The following FUT9 variants were observed in gnomAD, a reference collection of about 807,000 sequenced individuals.
FUT9 encodes the protein 4-galactosyl-N-acetylglucosaminide 3-alpha-L-fucosyltransferase 9.
Under a neutral mutation model 29.7 loss-of-function variants are expected in FUT9, and 15 were observed. That is an observed-to-expected ratio of 0.51 (90% CI 0.34 to 0.78). The LOEUF (loss-of-function observed/expected upper bound fraction) is 0.78. FUT9 is among the 30% of genes least tolerant of loss of function. FUT9 has a pLI of 0.01. For missense variants in FUT9, 319 were observed against 425.4 expected, an observed-to-expected ratio of 0.75 and a Z score of 2.20; for synonymous variants, 169 against 153.7, an observed-to-expected ratio of 1.10 and a Z score of -0.74.
At chr6:96,113,453 G>C (rs1771848118) in intron 1 of FUT9, among the ~76,000 whole-genome samples, 1 of 151,702 alleles carries the variant, frequency 6.6e-6, no homozygotes, top group African/African-American at 2.4e-5. Context: ...TGGCCAAGCT[G>C]GTCTTGAACT....
At chr6:96,031,163 C>T (rs1173222212) in intron 1 of FUT9, among the ~76,000 whole-genome samples, 2 of 151,546 alleles carry the variant, frequency 1.3e-5, no homozygotes, top group Non-Finnish European at 1.5e-5. Context: ...ACATGTTAGG[C>T]ACTTTCTAAC....
intron 1 of FUT9, among the ~76,000 whole-genome samples, chr6:96,054,107 T>G (rs943928406): frequency 2.6e-5 from 4 of 152,134 alleles, no homozygotes; most frequent in Non-Finnish European, 5.9e-5. Context: ...TCAAGGTCAG[T>G]TTCATCAAAT....
rs191392203 is a variant in FUT9, at chr6:96,178,333, G to T, written c.-8-24815G>T. The stretch of plus-strand genomic sequence containing the variant: ...CGTATTTCCTCATTTTATGAAAAGG[G>T]GAGACACTGTATTATGGAAGAAGTC... On this transcript the variant is annotated intron_variant, in intron 2 of 2. Transcript: ENST00000302103. Among the ~76,000 whole-genome samples, 346 of 152,198 alleles carry T rather than the reference G, an allele frequency of 2.3e-3. 1 individual carries two copies. Among genetic ancestry groups the T allele is most frequent in the Non-Finnish European group, 2.6e-3 (174 of 68,016 alleles).
At chr6:96,111,895 G>C (rs896982359) in intron 1 of FUT9, among the ~76,000 whole-genome samples, 2 of 152,084 alleles carry the variant, frequency 1.3e-5, no homozygotes, top group African/African-American at 4.8e-5. Context: ...TCTTTTATGT[G>C]CAGAATTATA....
intron 1 of FUT9, among the ~76,000 whole-genome samples, chr6:96,080,622 C>T (rs1582216337): frequency 6.6e-6 from 1 of 151,910 alleles, no homozygotes; most frequent in East Asian, 1.9e-4. Context: ...TTTATTCAAA[C>T]TTTAATATTT....
chr6:96,108,467 GAACATAT>G (rs1406308380), intron 1 of FUT9, among the ~76,000 whole-genome samples: 2 of 152,124 alleles, frequency 1.3e-5, no homozygotes, highest in African/African-American at 4.8e-5. Context: ...GACTGAATGA[GAACATAT>G]ATGTATAGAA....
chr6:96,196,088 G>A (rs1041561673), intron 2 of FUT9, among the ~76,000 whole-genome samples: 2 of 152,114 alleles, frequency 1.3e-5, no homozygotes, highest in Non-Finnish European at 2.9e-5. Flanking sequence ...TTTGGATCCT[G>A]GAATATTAGG....
intron 2 of FUT9, among the ~76,000 whole-genome samples, chr6:96,125,613 C>T (rs955694799): frequency 6.6e-6 from 1 of 152,078 alleles, no homozygotes; most frequent in African/African-American, 2.4e-5. Flanking sequence ...AAGATGAAGT[C>T]GTTGGGTCAA....
At chr6:96,090,934 C>T (rs961655136) in intron 1 of FUT9, among the ~76,000 whole-genome samples, 2 of 151,714 alleles carry the variant, frequency 1.3e-5, no homozygotes, top group Non-Finnish European at 2.9e-5. Context: ...ATTTGAATGC[C>T]GCTAACAAAA....
At position 96,203,476 on chromosome 6, in the gene FUT9, G is replaced by T. The variant is rs139516318; in HGVS notation, c.321G>T (p.Leu107=). The change falls in exon 3 of 3, where the codon CTG becomes CTT. Residue 107 remains leucine (L), a synonymous_variant. Transcript: ENST00000302103. ...RSLYNKSHAV[L]IHHRDISWDL... The stretch of plus-strand genomic sequence containing the variant: ...TGTACAACAAATCCCATGCAGTTCT[G>T]ATCCATCACCGAGACATCAGTTGGG... 1 of 1,609,930 alleles carries T rather than the reference G, an allele frequency of 6.2e-7. No homozygotes were observed. Among genetic ancestry groups the T allele is most frequent in the Non-Finnish European group, 8.5e-7 (1 of 1,177,920 alleles).
chr6:96,129,194 G>A (rs1198486870), intron 2 of FUT9, among the ~76,000 whole-genome samples: 1 of 150,784 alleles, frequency 6.6e-6, no homozygotes, highest in Admixed American at 6.6e-5. Flanking sequence ...GAACCTGGGA[G>A]GCGGAGCTTG....
chr6:96,147,695 C>G (rs542387291), intron 2 of FUT9, among the ~76,000 whole-genome samples: 1 of 151,934 alleles, frequency 6.6e-6, no homozygotes, highest in South Asian at 2.1e-4. Flanking sequence ...TTTCTTAACT[C>G]TTCATCCTTT....
rs775171320 is a variant in FUT9 at position 96,203,596 on chromosome 6, C to T, written c.441C>T (p.Gly147=). ...ESPTHTPQKS[G]IEHLFNLTLT... ...CAACTCACACTCCCCAAAAGAGTGG[C>T]ATTGAGCACTTGTTTAACCTGACTC... The change falls in exon 3 of 3, where the codon GGC becomes GGT. Residue 147 remains glycine (G), a synonymous_variant. Transcript: ENST00000302103. 1 of 1,613,742 alleles carries T rather than the reference C, an allele frequency of 6.2e-7. No individual in the cohort carries two copies. Among genetic ancestry groups the T allele is most frequent in the East Asian group, 2.2e-5 (1 of 44,858 alleles).
At chr6:96,180,031 T>A (rs1000099140) in intron 2 of FUT9, among the ~76,000 whole-genome samples, 7 of 152,128 alleles carry the variant, frequency 4.6e-5, no homozygotes, top group African/African-American at 1.7e-4. Flanking sequence ...GATGGTTAAG[T>A]AACTAGGTTA....
At chr6:96,060,232 C>T (rs1355564708) in intron 1 of FUT9, among the ~76,000 whole-genome samples, 2 of 152,128 alleles carry the variant, frequency 1.3e-5, no homozygotes, top group Non-Finnish European at 2.9e-5. Context: ...TGGAAATAAA[C>T]TCTTTAATTC....
chr6:96,175,379 C>A (rs1165007032), intron 2 of FUT9, among the ~76,000 whole-genome samples: 1 of 152,124 alleles, frequency 6.6e-6, no homozygotes, highest in African/African-American at 2.4e-5. Flanking sequence ...TTTATCTCAA[C>A]AAAATACATC....
intron 2 of FUT9, among the ~76,000 whole-genome samples, chr6:96,166,608 C>CT (rs1439869454): frequency 2.6e-5 from 4 of 152,040 alleles, no homozygotes; most frequent in East Asian, 1.9e-4. Flanking sequence ...ATTTCCTATA[C>CT]TTTTTTTAAA....
intron 1 of FUT9, among the ~76,000 whole-genome samples, chr6:96,036,383 G>A (rs1393790225): frequency 6.6e-6 from 1 of 151,558 alleles, no homozygotes; most frequent in Non-Finnish European, 1.5e-5. Context: ...AAAACCAAGA[G>A]CAATGTTAAT....
intron 2 of FUT9, among the ~76,000 whole-genome samples, chr6:96,155,636 G>A (rs1276001349): frequency 2.0e-5 from 3 of 150,884 alleles, no homozygotes; most frequent in Non-Finnish European, 4.4e-5. Context: ...TCGTGCCACT[G>A]CACTCCAGCC....
Sources: gnomAD v4.1 joint callset for allele counts (sites outside exome capture counted in the v4.1 genomes callset) on GRCh38, gnomAD v4.1.1 for gene constraint, MANE v1.5 for transcripts, NCBI Gene and HGNC (gene_info 2026-07-23, HGNC 2026-07-21) for gene names.